The following ALOX15 variants were observed in gnomAD, a reference collection of about 807,000 sequenced individuals.
ALOX15 encodes arachidonate 15-lipoxygenase, also known as polyunsaturated fatty acid lipoxygenase ALOX15.
In ALOX15, 68 loss-of-function variants were observed where a neutral mutation model predicts 71.7. The ratio of observed to expected loss-of-function variants is 0.95; its 90% CI spans 0.78 to 1.16. The LOEUF (loss-of-function observed/expected upper bound fraction) is 1.16. ALOX15 is among the 50% of genes most tolerant of loss of function. ALOX15 has a pLI of 0.00. For missense variants in ALOX15, 798 were observed against 818.8 expected, an observed-to-expected ratio of 0.97 and a Z score of 0.31; for synonymous variants, 346 against 333.3, an observed-to-expected ratio of 1.04 and a Z score of -0.42.
intron 4 of ALOX15, 63 bp from the exon 5 acceptor site, chr17:4,638,747 A>G: frequency 6.2e-7 from 1 of 1,613,106 alleles, no homozygotes. Context: ...TGACGACCAC[A>G]GGCACCGATC....
rs1167615101 is a variant in ALOX15, at chr17:4,638,832, G to C, written c.542+18C>G. 6.2e-7 allele frequency: 1 copy of C among 1,614,076 alleles called. No homozygotes were observed. The highest frequency in any genetic ancestry group is 8.5e-7 in the Non-Finnish European group (1 of 1,179,988). The stretch of plus-strand genomic sequence containing the variant: ...GACCAGGACACCTCCCTCTCACCCA[G>C]CCTCCCCTTGCTCTCACCCCTTGGC... On this transcript the variant is annotated intron_variant, in intron 4 of 13. Transcript: ENST00000293761.
chr17:4,631,688 T>A lies in ALOX15; in HGVS notation c.1901A>T (p.Asp634Val). Reference sequence around the variant, plus strand: ...TGCATTCCGGATCTCAATTTCCTTATCCAGGGCAGCCAGCTCCTCCCTGAA... The same window carrying A: ...TGCATTCCGGATCTCAATTTCCTTAACCAGGGCAGCCAGCTCCTCCCTGAA... ...KKFREELAAL[D>V]KEIEIRNAKL... The change falls in exon 14 of 14, where the codon GAT (aspartate) becomes GTT (valine). Residue 634 changes from aspartate to valine, a missense_variant. Asp to Val is a radical substitution (Grantham distance 152). Transcript: ENST00000293761. 6.2e-7 allele frequency: 1 copy of A among 1,614,206 alleles called. No homozygotes were observed. Among genetic ancestry groups the A allele is most frequent in the Non-Finnish European group, 8.5e-7 (1 of 1,180,034 alleles).
At position 4,641,590 on chromosome 17, in the gene ALOX15, T is replaced by G; in HGVS notation, c.62A>C (p.Gln21Pro). 2 of 1,613,866 alleles carry G rather than the reference T, an allele frequency of 1.2e-6. No homozygotes were observed. Among genetic ancestry groups the G allele is most frequent in the Non-Finnish European group, 1.7e-6 (2 of 1,180,030 alleles). ...CTGGCCGACCAGCCACAGCTGCACC[T>G]GGTTGTTGGAACCGGCATAGAGCGA... ...GASLYAGSNN[Q>P]VQLWLVGQHG... The change falls in exon 1 of 14, where the codon CAG becomes CCG. Residue 21 changes from glutamine (Q) to proline (P), a missense_variant. Physicochemically the swap from Gln to Pro is moderately conservative, Grantham distance 76. Around this residue, in one of 3 missense-constraint regions of ALOX15, gnomAD observed 300 missense variants for 283.1 expected, o/e 1.06. Coordinates refer to ENST00000293761, the MANE Select transcript of ALOX15 (RefSeq NM_001140.5).
rs376942254 is a variant in ALOX15, at chr17:4,632,438, G to A, written c.1541-157C>T. On this transcript the variant is annotated intron_variant, in intron 11 of 13. Coordinates refer to ENST00000293761, the MANE Select transcript of ALOX15 (RefSeq NM_001140.5). ...CATGACAGCAGGTTGGGGTGGGGGA[G>A]TGGGGAGCTCTGCCGGGAGGGTCCC... is the stretch of plus-strand genomic sequence containing the variant. 3.9e-5 allele frequency among the ~76,000 whole-genome samples: 6 copies of A among 152,190 alleles called. No individual in the cohort carries two copies. In the South Asian group the frequency reaches 1.2e-3, roughly 32 times the overall value.
At chr17:4,637,036 G>A in intron 7 of ALOX15, 79 bp downstream of exon 7, 1 of 1,513,248 alleles carries the variant, frequency 6.6e-7, no homozygotes, top group Non-Finnish European at 8.9e-7. Context: ...CTTTGCAGAT[G>A]GTGCTCAGTA....
chr17:4,641,202 G>A (rs1911313163), intron 1 of ALOX15, among the ~76,000 whole-genome samples: 1 of 151,510 alleles, frequency 6.6e-6, no homozygotes, highest in Non-Finnish European at 1.5e-5. Context: ...AATAGAGAAA[G>A]CGAGAGGACC....
At position 4,631,728 on chromosome 17, in the gene ALOX15, C is replaced by T; in HGVS notation, c.1861G>A (p.Ala621Thr). 6.2e-7 allele frequency: 1 copy of T among 1,614,200 alleles called. No homozygotes were observed. Among genetic ancestry groups the T allele is most frequent in the Non-Finnish European group, 8.5e-7 (1 of 1,180,044 alleles). ...EEYFSGPEPKAVLKKFREELA... is the reference protein window; with the variant it reads ...EEYFSGPEPKTVLKKFREELA... ...TCCTCCCTGAACTTCTTCAGCACAG[C>T]CTTAGGCTCAGGGCCCGAAAAATAC... Residue 621 changes from alanine to threonine, a missense_variant, in exon 14 of 14, where the codon GCT becomes ACT. Coordinates refer to ENST00000293761, the MANE Select transcript of ALOX15 (RefSeq NM_001140.5).
At chr17:4,637,471 C>A (rs545798096) in intron 6 of ALOX15, among the ~76,000 whole-genome samples, 1 of 152,102 alleles carries the variant, frequency 6.6e-6, no homozygotes, top group Non-Finnish European at 1.5e-5. Context: ...AGGATCACCA[C>A]GGCTCACTGC....
In ALOX15 at chr17:4,631,456, G is replaced by A. The variant is rs1264440059; in HGVS notation, c.*144C>T. On this transcript the variant is annotated 3_prime_UTR_variant, in exon 14 of 14. Transcript: ENST00000293761. Reference sequence around the variant, plus strand: ...CTCTAGAGTAAAATGTGTTCACTGGGTGCAGAGACCATGAAAAGGTGCCCC... The same window carrying A: ...CTCTAGAGTAAAATGTGTTCACTGGATGCAGAGACCATGAAAAGGTGCCCC... The A allele has an allele frequency of 1.0e-6, 1 of 952,918 alleles. No individual in the cohort carries two copies. Among genetic ancestry groups the A allele is most frequent in the East Asian group, 2.6e-5 (1 of 38,108 alleles). 59.0% of individuals were successfully genotyped at this position (952,918 alleles called of 1,614,324 possible). A position where few individuals can be genotyped will look rare whatever the true frequency, so the allele number is the denominator to read the frequency against.
At chr17:4,641,178 G>A (rs1272931374) in intron 1 of ALOX15, among the ~76,000 whole-genome samples, 2 of 151,420 alleles carry the variant, frequency 1.3e-5, no homozygotes, top group Non-Finnish European at 2.9e-5. Flanking sequence ...GCTAGCGGTT[G>A]AAACGGTTTT....
rs757822467 is a variant in ALOX15 at position 4,635,855 on chromosome 17, A to G, written c.1065T>C (p.His355=). The G allele has an allele frequency of 6.2e-7, 1 of 1,614,198 alleles. No homozygotes were observed. ...CWVRSSDFQL[H]ELQSHLLRGH... is the part of the protein sequence containing the mutation. The stretch of plus-strand genomic sequence containing the variant: ...CCCTCAGAAGATGAGACTGCAGCTC[A>G]TGGAGCTGGAAGTCAGAGCTGCGCA... The change falls in exon 8 of 14, where the codon CAT becomes CAC. Residue 355 remains histidine, a synonymous_variant. Transcript: ENST00000293761.
In ALOX15 at chr17:4,641,590, T is replaced by C; in HGVS notation, c.62A>G (p.Gln21Arg). 1 of 1,613,866 alleles carries C rather than the reference T, an allele frequency of 6.2e-7. No individual in the cohort carries two copies. Among genetic ancestry groups the C allele is most frequent in the Non-Finnish European group, 8.5e-7 (1 of 1,180,030 alleles). Reference protein sequence around the residue: ...GASLYAGSNNQVQLWLVGQHG... With the variant: ...GASLYAGSNNRVQLWLVGQHG... The stretch of plus-strand genomic sequence containing the variant: ...CTGGCCGACCAGCCACAGCTGCACC[T>C]GGTTGTTGGAACCGGCATAGAGCGA... Residue 21 changes from glutamine (Q) to arginine (R), a missense_variant, in exon 1 of 14, where the codon CAG (glutamine) becomes CGG (arginine). This residue lies in a region of ALOX15 where 300 missense variants were observed against 283.1 expected (regional missense o/e 1.06). Coordinates refer to ENST00000293761, the MANE Select transcript of ALOX15 (RefSeq NM_001140.5).
Position 4,638,603 on chromosome 17 carries a change from C to T in ALOX15, c.624G>A (p.Trp208Ter). 1.2e-6 allele frequency: 2 copies of T among 1,614,134 alleles called. No individual in the cohort carries two copies. Among genetic ancestry groups the T allele is most frequent in the Non-Finnish European group, 1.7e-6 (2 of 1,180,040 alleles). The change falls in exon 5 of 14, where the codon TGG (tryptophan) becomes TGA (stop). Residue 208 changes from tryptophan to a stop codon, truncating the protein, a stop_gained. Transcript: ENST00000293761. LOFTEE classifies it high-confidence loss of function. The stretch of plus-strand genomic sequence containing the variant: ...GACCAGCCAGCTTGCTCTGACCACA[C>T]CAGAAAATCCGGTTGAAGTCATCTA... Reference protein sequence around the residue: ...KDLDDFNRIFWCGQSKLAERV... With the variant: ...KDLDDFNRIF
At chr17:4,636,354 T>C (rs1202609121) in intron 7 of ALOX15, among the ~76,000 whole-genome samples, 2 of 152,226 alleles carry the variant, frequency 1.3e-5, no homozygotes, top group African/African-American at 4.8e-5. Context: ...CTCAGCTGCC[T>C]GCTGGATAAT....
Position 4,633,457 on chromosome 17 carries a change from C to G in ALOX15, c.1205G>C (p.Arg402Pro), listed in dbSNP as rs376212812. Residue 402 changes from arginine to proline, a missense_variant, in exon 9 of 14, where the codon CGG (arginine) becomes CCG (proline). By Grantham distance (103) the Arg-to-Pro change is moderately radical (BLOSUM62 -2). Around this residue, in one of 3 missense-constraint regions of ALOX15, gnomAD observed 490 missense variants for 509.4 expected, o/e 0.96. Coordinates refer to ENST00000293761, the MANE Select transcript of ALOX15 (RefSeq NM_001140.5). Reference sequence around the variant, plus strand: ...GTCAGAGACCAGCCCAGTCCTGGCCCGGACGTTAATTTCCAGGGTGTATCG... The same window carrying G: ...GTCAGAGACCAGCCCAGTCCTGGCCGGGACGTTAATTTCCAGGGTGTATCG... ...HLRYTLEINVRARTGLVSDMG... is the reference protein window; with the variant it reads ...HLRYTLEINVPARTGLVSDMG... 4 of 1,614,110 alleles carry G rather than the reference C, an allele frequency of 2.5e-6. No homozygotes were observed. The highest frequency in any genetic ancestry group is 4.5e-5 in the East Asian group (2 of 44,880).
At chr17:4,636,880 G>A (rs1381586080) in intron 7 of ALOX15, among the ~76,000 whole-genome samples, 1 of 151,910 alleles carries the variant, frequency 6.6e-6, no homozygotes, top group African/African-American at 2.4e-5. Flanking sequence ...ATCCCTCCTG[G>A]GCTGTCTCTG....
At chr17:4,636,434 G>A (rs1399805720) in intron 7 of ALOX15, among the ~76,000 whole-genome samples, 3 of 152,038 alleles carry the variant, frequency 2.0e-5, no homozygotes, top group African/African-American at 4.8e-5. Flanking sequence ...TCTCTTTATC[G>A]GTGCTATTTC....
Position 4,638,545 on chromosome 17 carries a change from GGGGGGTTGGGAGACATACT to G in ALOX15, c.646+17_646+35del, listed in dbSNP as rs1263470047. ...GTTGGGTGGGATCTGGGTGGGATCT[GGGGGGTTGGGAGACATACT>G]GGGGTGGGGGACTGACCAGCCAGCT... is the stretch of plus-strand genomic sequence containing the variant. On this transcript the variant is annotated intron_variant, in intron 5 of 13. Coordinates refer to ENST00000293761, the MANE Select transcript of ALOX15 (RefSeq NM_001140.5). 1.9e-6 allele frequency: 3 copies of G among 1,599,232 alleles called. No homozygotes were observed. Among genetic ancestry groups the G allele is most frequent in the Non-Finnish European group, 2.6e-6 (3 of 1,167,746 alleles).
chr17:4,631,900 G>T lies in ALOX15; in HGVS notation c.1798C>A (p.Gln600Lys), dbSNP rs1910912815. The change falls in exon 13 of 14, where the codon CAG (glutamine) becomes AAG (lysine). Residue 600 changes from glutamine to lysine, a missense_variant. By Grantham distance (53) the Gln-to-Lys change is moderately conservative. Around this residue, in one of 3 missense-constraint regions of ALOX15, gnomAD observed 490 missense variants for 509.4 expected, o/e 0.96. Coordinates refer to ENST00000293761, the MANE Select transcript of ALOX15 (RefSeq NM_001140.5). ...MSITWQLGRR[Q>K]PVMVAVGQHE... ...CACTCAGCTCTCACCATAACGGGCTGGCGTCTGCCCAGCTGCCAAGTGATG... is the reference window on the plus strand; with the variant it reads ...CACTCAGCTCTCACCATAACGGGCTTGCGTCTGCCCAGCTGCCAAGTGATG... The T allele has an allele frequency of 6.2e-7, 1 of 1,611,846 alleles. No individual in the cohort carries two copies. Among genetic ancestry groups the T allele is most frequent in the Non-Finnish European group, 8.5e-7 (1 of 1,178,772 alleles).
Sources: allele counts gnomAD v4.1 joint callset (sites outside exome capture counted in the v4.1 genomes callset), GRCh38; gene constraint gnomAD v4.1.1; regional missense constraint gnomAD v4.1.1; transcripts MANE v1.5; gene names NCBI Gene and HGNC (gene_info 2026-07-23, HGNC 2026-07-21).